The following PRKCQ variants were observed in gnomAD, a reference collection of about 807,000 sequenced individuals.
The protein encoded by PRKCQ is protein kinase C theta type.
Under a neutral mutation model 91.2 loss-of-function variants are expected in PRKCQ, and 41 were observed. That is an observed-to-expected ratio of 0.45 (90% CI 0.35 to 0.58). The LOEUF is 0.58. PRKCQ is among the 20% of genes least tolerant of loss of function. The pLI is 0.00. For synonymous variants in PRKCQ, 307 were observed against 316.9 expected (o/e 0.97, Z 0.33); for missense variants, 673 against 896.5 (o/e 0.75, Z 3.18).
chr10:6,431,317 TAGACAGGCACACACGTGCACAC>T (rs931187140), intron 16 of PRKCQ, among the ~76,000 whole-genome samples: 1 of 151,996 alleles, frequency 6.6e-6, no homozygotes. Flanking sequence ...AACACGCACA[TAGACAGGCACACACGTGCACAC>T]AGACAGGCAC....
chr10:6,460,026 C>G (rs544296446), intron 14 of PRKCQ, among the ~76,000 whole-genome samples: 1 of 152,298 alleles, frequency 6.6e-6, no homozygotes, highest in East Asian at 1.9e-4. Context: ...TCTTACTATT[C>G]AACTTATTAT....
At chr10:6,550,769 T>A (rs1310065729) in intron 1 of PRKCQ, among the ~76,000 whole-genome samples, 2 of 152,176 alleles carry the variant, frequency 1.3e-5, no homozygotes, top group Non-Finnish European at 2.9e-5. Flanking sequence ...TCATTCTAAG[T>A]TTTTGAGGAA....
intron 4 of PRKCQ, among the ~76,000 whole-genome samples, chr10:6,502,611 A>C (rs1309429596): frequency 6.6e-6 from 1 of 152,142 alleles, no homozygotes; most frequent in Non-Finnish European, 1.5e-5. Context: ...GTCAGATTTG[A>C]GCTTGGCATC....
At chr10:6,575,341 C>A (rs1444528256) in intron 1 of PRKCQ, among the ~76,000 whole-genome samples, 1 of 152,154 alleles carries the variant, frequency 6.6e-6, no homozygotes, top group Non-Finnish European at 1.5e-5. Flanking sequence ...TGATAACATA[C>A]AAAAGATAAT....
Position 6,576,529 on chromosome 10 carries a change from G to A in PRKCQ, c.-10+3682C>T, listed in dbSNP as rs1226634435. On this transcript the variant is annotated intron_variant, in intron 1 of 17. Coordinates refer to ENST00000263125, the MANE Select transcript of PRKCQ (RefSeq NM_006257.5). The surrounding 1 kb of genome is among the most constrained non-coding windows in gnomAD (Gnocchi z 4.2). ...AGAGACAGGAAGTAGAAGGGTGGCT[G>A]CCAGGGGCTGAGAGGAAAGACGGAT... 6.6e-6 allele frequency among the ~76,000 whole-genome samples: 1 copy of A among 152,202 alleles called. No homozygotes were observed. Among genetic ancestry groups the A allele is most frequent in the Non-Finnish European group, 1.5e-5 (1 of 68,036 alleles).
intron 9 of PRKCQ, 56 bp downstream of exon 9, chr10:6,485,979 T>G: frequency 6.9e-7 from 1 of 1,447,388 alleles, no homozygotes. Flanking sequence ...CAGAAGTGCA[T>G]GGACATCCTT....
upstream of PRKCQ, chr10:6,580,423 C>G (rs1841437489): frequency 6.6e-6 from 1 of 152,098 alleles, no homozygotes; most frequent in Admixed American, 6.6e-5. Context: ...CCCGGCACCT[C>G]TAGCCAGGGA....
At chr10:6,440,688 A>C (rs1424922201) in intron 16 of PRKCQ, among the ~76,000 whole-genome samples, 2 of 152,124 alleles carry the variant, frequency 1.3e-5, no homozygotes, top group African/African-American at 4.8e-5. Context: ...CAGCTTTAAA[A>C]TTAAAATTTA....
chr10:6,395,054 GTCTTTTTT>G, the PRKCQ span, among the ~76,000 whole-genome samples: 1 of 129,972 alleles, frequency 7.7e-6, no homozygotes, highest in Non-Finnish European at 1.6e-5. Flanking sequence ...GGAAGCTGGA[GTCTTTTTT>G]TTTTTTTTTT....
intron 10 of PRKCQ, among the ~76,000 whole-genome samples, chr10:6,484,772 C>T: frequency 6.6e-6 from 1 of 152,204 alleles, no homozygotes. Flanking sequence ...TTGAGTCCTT[C>T]TCTTTCCTAC....
intron 12 of PRKCQ, among the ~76,000 whole-genome samples, chr10:6,477,221 C>T (rs1409688987): frequency 2.0e-5 from 3 of 152,186 alleles, no homozygotes; most frequent in African/African-American, 7.2e-5. Flanking sequence ...TAATATTACT[C>T]ATACTGTTAG....
the PRKCQ span, among the ~76,000 whole-genome samples, chr10:6,415,407 T>TAC: frequency 2.0e-3 from 2 of 1,000 alleles, no homozygotes; most frequent in Non-Finnish European, 5.5e-3. Context: ...AGAAAATACA[T>TAC]ATATATATAT....
At chr10:6,422,009 A>T in the PRKCQ span, among the ~76,000 whole-genome samples, 1 of 152,198 alleles carries the variant, frequency 6.6e-6, no homozygotes, top group Non-Finnish European at 1.5e-5. Flanking sequence ...TACAAATTGT[A>T]TCTTGCTTTT....
intron 1 of PRKCQ, among the ~76,000 whole-genome samples, chr10:6,527,373 T>C (rs1304164148): frequency 1.3e-5 from 2 of 152,098 alleles, no homozygotes; most frequent in Non-Finnish European, 2.9e-5. Context: ...GTAATGATGA[T>C]GATGTTGGTT....
intron 12 of PRKCQ, among the ~76,000 whole-genome samples, chr10:6,474,260 C>T (rs1836148336): frequency 6.6e-6 from 1 of 152,316 alleles, no homozygotes; most frequent in Middle Eastern, 3.4e-3. Flanking sequence ...CCCTGGGAGG[C>T]CTCTCTTCAG....
At chr10:6,425,459 T>C (rs938282798), downstream of PRKCQ, among the ~76,000 whole-genome samples, 1 of 152,030 alleles carries the variant, frequency 6.6e-6, no homozygotes, top group African/African-American at 2.4e-5. Flanking sequence ...CCTGACCTCA[T>C]GATCTGCCTG....
chr10:6,527,829 C>T (rs1039221045), intron 1 of PRKCQ, among the ~76,000 whole-genome samples: 1 of 152,156 alleles, frequency 6.6e-6, no homozygotes, highest in African/African-American at 2.4e-5. Flanking sequence ...CCCTACAAAA[C>T]AAGCCTATGC....
chr10:6,562,386 G>A (rs1388305030), intron 1 of PRKCQ, among the ~76,000 whole-genome samples: 2 of 152,188 alleles, frequency 1.3e-5, no homozygotes, highest in Non-Finnish European at 2.9e-5. Context: ...TGCTTCAGCA[G>A]AGAGACGCAC....
chr10:6,550,872 G>C (rs1840157396), intron 1 of PRKCQ, among the ~76,000 whole-genome samples: 1 of 152,236 alleles, frequency 6.6e-6, no homozygotes, highest in South Asian at 2.1e-4. Flanking sequence ...ACCAACACTT[G>C]TTATTTTTTG....
Sources: allele counts gnomAD v4.1 joint callset (sites outside exome capture counted in the v4.1 genomes callset), GRCh38; gene constraint gnomAD v4.1.1; non-coding constraint Gnocchi (gnomAD v3.1); transcripts MANE v1.5; gene names NCBI Gene and HGNC (gene_info 2026-07-23, HGNC 2026-07-21).